Variants in SUGCT observed in about 807,000 individuals in gnomAD.
SUGCT encodes the protein succinyl-CoA:glutarate CoA-transferase.
Under a neutral mutation model 55.0 loss-of-function variants are expected in SUGCT, and 41 were observed. The observed-to-expected ratio is 0.74, with a 90% confidence interval of 0.58 to 0.97. The LOEUF (loss-of-function observed/expected upper bound fraction) is 0.97, where lower values mean the gene tolerates loss of function less well. SUGCT is among the 50% of genes least tolerant of loss of function. SUGCT has a pLI of 0.00. For missense variants in SUGCT, 568 were observed against 547.8 expected, an observed-to-expected ratio of 1.04 and a Z score of -0.37; for synonymous variants, 187 against 200.4, an observed-to-expected ratio of 0.93 and a Z score of 0.56.
chr7:40,837,584 A>T (rs1479230134), intron 13 of SUGCT, among the ~76,000 whole-genome samples: 2 of 151,770 alleles, frequency 1.3e-5, no homozygotes, highest in East Asian at 1.9e-4. Flanking sequence ...GAGTTATTTT[A>T]TTATTATTAT....
the SUGCT span, among the ~76,000 whole-genome samples, chr7:40,935,045 C>T: frequency 6.6e-6 from 1 of 152,102 alleles, no homozygotes; most frequent in Non-Finnish European, 1.5e-5. Context: ...TTCCATTTGG[C>T]CATCTTGGAA....
chr7:40,290,723 A>C (rs901011359), intron 8 of SUGCT, among the ~76,000 whole-genome samples: 1 of 152,290 alleles, frequency 6.6e-6, no homozygotes, highest in South Asian at 2.1e-4. Context: ...CAGGCAACCT[A>C]CAAAATGGGA....
the SUGCT span, among the ~76,000 whole-genome samples, chr7:40,899,569 C>A: frequency 6.6e-6 from 1 of 152,074 alleles, no homozygotes; most frequent in Non-Finnish European, 1.5e-5. Context: ...ATGAGTATTC[C>A]CGGGAGAACA....
At chr7:40,353,440 C>G (rs563273639) in intron 9 of SUGCT, among the ~76,000 whole-genome samples, 1 of 152,002 alleles carries the variant, frequency 6.6e-6, no homozygotes, top group Non-Finnish European at 1.5e-5. Context: ...TGAAGGGTAC[C>G]TGATTAAGGG....
chr7:40,835,437 C>T (rs1792912548), intron 13 of SUGCT, among the ~76,000 whole-genome samples: 1 of 152,216 alleles, frequency 6.6e-6, no homozygotes, highest in Admixed American at 6.5e-5. Flanking sequence ...ATGGCTCCTA[C>T]AAGCACTTTC....
At chr7:40,346,991 C>T (rs1797352016) in intron 9 of SUGCT, among the ~76,000 whole-genome samples, 1 of 152,148 alleles carries the variant, frequency 6.6e-6, no homozygotes, top group African/African-American at 2.4e-5. Flanking sequence ...GTTACAGCAG[C>T]CCAAGTACAC....
chr7:40,293,269 A>C (rs879639746), intron 8 of SUGCT, among the ~76,000 whole-genome samples: 1 of 152,158 alleles, frequency 6.6e-6, no homozygotes, highest in Non-Finnish European at 1.5e-5. Context: ...GTGTGCTTTG[A>C]CGCTCAGGAG....
At chr7:40,657,725 G>A (rs961660770) in intron 12 of SUGCT, among the ~76,000 whole-genome samples, 4 of 152,174 alleles carry the variant, frequency 2.6e-5, no homozygotes, top group Non-Finnish European at 4.4e-5. Context: ...TAGTGGAGAC[G>A]GGGTTTCGCC....
chr7:40,897,916 T>TG, the SUGCT span, among the ~76,000 whole-genome samples: 1 of 116,304 alleles, frequency 8.6e-6, no homozygotes, highest in Non-Finnish European at 2.1e-5. Context: ...CTCTGTAAAA[T>TG]GAACCAATCA....
At chr7:40,711,566 C>T (rs1408573324) in intron 12 of SUGCT, among the ~76,000 whole-genome samples, 2 of 152,064 alleles carry the variant, frequency 1.3e-5, no homozygotes, top group African/African-American at 4.8e-5. Context: ...ATAATGGAGA[C>T]GTTAGTTTGC....
intron 9 of SUGCT, among the ~76,000 whole-genome samples, chr7:40,318,795 T>C (rs1795569406): frequency 6.6e-6 from 1 of 152,230 alleles, no homozygotes; most frequent in African/African-American, 2.4e-5. Flanking sequence ...GATTCTCTAG[T>C]GTAATTCCAA....
In SUGCT at chr7:40,135,130, G is replaced by A; in HGVS notation, c.100+10G>A. 6.5e-7 allele frequency: 1 copy of A among 1,546,474 alleles called. No homozygotes were observed. Among genetic ancestry groups the A allele is most frequent in the South Asian group, 1.2e-5 (1 of 83,254 alleles). On this transcript the variant is annotated intron_variant, in intron 1 of 13. Coordinates refer to ENST00000335693, the MANE Select transcript of SUGCT (RefSeq NM_001193313.2). The stretch of plus-strand genomic sequence containing the variant: ...GGCCGCCCGCAGTCAGGTACCCTCC[G>A]AGATTCGGTCTGGGTGGCTAAAGGG...
chr7:40,734,464 T>A (rs1478094517), intron 12 of SUGCT, among the ~76,000 whole-genome samples: 1 of 152,136 alleles, frequency 6.6e-6, no homozygotes, highest in Non-Finnish European at 1.5e-5. Flanking sequence ...AAAATAGAGA[T>A]AATAATGAAA....
intron 12 of SUGCT, among the ~76,000 whole-genome samples, chr7:40,600,651 G>A (rs936277962): frequency 1.3e-5 from 2 of 151,614 alleles, no homozygotes; most frequent in African/African-American, 4.9e-5. Context: ...GAAAACCAGA[G>A]TAAACCACTT....
chr7:40,211,530 A>G (rs1787333543), intron 6 of SUGCT, among the ~76,000 whole-genome samples: 1 of 152,112 alleles, frequency 6.6e-6, no homozygotes, highest in Non-Finnish European at 1.5e-5. Context: ...TGAATTATTT[A>G]TTACATACAC....
At chr7:40,835,756 A>G (rs1792933339) in intron 13 of SUGCT, among the ~76,000 whole-genome samples, 1 of 152,200 alleles carries the variant, frequency 6.6e-6, no homozygotes, top group Admixed American at 6.5e-5. Context: ...TGAACCCATT[A>G]TTAAGTCCTC....
chr7:40,915,456 C>G, the SUGCT span, among the ~76,000 whole-genome samples: 1 of 152,128 alleles, frequency 6.6e-6, no homozygotes, highest in African/African-American at 2.4e-5. Flanking sequence ...TGTTTAGTCT[C>G]TAAGAAAACC....
chr7:40,810,812 A>G (rs1791369530), intron 13 of SUGCT, among the ~76,000 whole-genome samples: 1 of 152,082 alleles, frequency 6.6e-6, no homozygotes, highest in Non-Finnish European at 1.5e-5. Context: ...ATTGCTTTTG[A>G]GGACTTAATT....
intron 12 of SUGCT, among the ~76,000 whole-genome samples, chr7:40,642,895 G>A (rs1157393571): frequency 6.6e-6 from 1 of 152,170 alleles, no homozygotes; most frequent in African/African-American, 2.4e-5. Flanking sequence ...GCTGCCCATT[G>A]TGACAAATGG....
Sources: gnomAD v4.1 joint callset for allele counts (sites outside exome capture counted in the v4.1 genomes callset) on GRCh38, gnomAD v4.1.1 for gene constraint, MANE v1.5 for transcripts, NCBI Gene and HGNC (gene_info 2026-07-23, HGNC 2026-07-21) for gene names.